The following RYR3 variants were observed in gnomAD, a reference collection of about 807,000 sequenced individuals.
RYR3 encodes ryanodine receptor 3, also known as brain ryanodine receptor-calcium release channel.
Under a neutral mutation model 584.3 loss-of-function variants are expected in RYR3, and 207 were observed. The ratio of observed to expected loss-of-function variants is 0.35; its 90% CI spans 0.32 to 0.40. RYR3 has a LOEUF of 0.40. Among genes scored for constraint, RYR3 ranks in the 10% least tolerant of loss-of-function variants. The pLI is 1.00. For missense variants in RYR3, 5,616 were observed against 6,089.2 expected (o/e 0.92, Z 2.59); for synonymous variants, 2,416 against 2,248.5 (o/e 1.07, Z -2.11).
chr15:33,532,069 C>T (rs764310621), intron 4 of RYR3, among the ~76,000 whole-genome samples: 12 of 152,148 alleles, frequency 7.9e-5, no homozygotes, highest in Non-Finnish European at 1.3e-4. Flanking sequence ...CTTTTAAGTA[C>T]AGCTCTGGGA....
chr15:33,379,687 C>CTATATATATATATATATATA (rs1555448829), intron 1 of RYR3, among the ~76,000 whole-genome samples: 6 of 125,480 alleles, frequency 4.8e-5, no homozygotes, highest in African/African-American at 2.1e-4. Flanking sequence ...CTCTCTCTCT[C>CTATATATATATATATATATA]TATATATATA....
intron 98 of RYR3, among the ~76,000 whole-genome samples, chr15:33,857,172 G>A (rs2079766955): frequency 6.6e-6 from 1 of 152,102 alleles, no homozygotes. Flanking sequence ...ACTACAGACT[G>A]CTATTTTGTT....
At chr15:33,362,510 T>A (rs1974919394) in intron 1 of RYR3, among the ~76,000 whole-genome samples, 1 of 152,154 alleles carries the variant, frequency 6.6e-6, no homozygotes, top group Non-Finnish European at 1.5e-5. Context: ...TGTATTAATA[T>A]AAATCCACAC....
Position 33,865,535 on chromosome 15 carries a change from A to AAGGAAAGGGCTAGAGAAGT in RYR3, c.*311_*329dup, listed in dbSNP as rs563288163. 122 of 310,010 alleles carry AAGGAAAGGGCTAGAGAAGT rather than the reference A, an allele frequency of 3.9e-4. 1 individual carries two copies. Among genetic ancestry groups the AAGGAAAGGGCTAGAGAAGT allele is most frequent in the Admixed American group, 1.8e-3 (39 of 21,454 alleles). 19.2% of individuals were successfully genotyped at this position (310,010 alleles called of 1,614,324 possible). A position where few individuals can be genotyped will look rare whatever the true frequency, so the allele number is the denominator to read the frequency against. On this transcript the variant is annotated 3_prime_UTR_variant, in exon 104 of 104. Transcript: ENST00000634891. ...TTCAGTTTGTTGGGATGGAAGCATG[A>AAGGAAAGGGCTAGAGAAGT]AGGAAAGGGCTAGAGAAGTATGAAA...
chr15:33,652,407 A>G (rs369412607), intron 31 of RYR3, among the ~76,000 whole-genome samples: 2 of 152,100 alleles, frequency 1.3e-5, no homozygotes, highest in African/African-American at 4.8e-5. Context: ...TTGGTGGGAT[A>G]CTGCCGTTCC....
At chr15:33,478,053 G>A (rs2049583984) in intron 2 of RYR3, among the ~76,000 whole-genome samples, 2 of 151,034 alleles carry the variant, frequency 1.3e-5, no homozygotes, top group African/African-American at 2.4e-5. Context: ...TTTCCCTCTG[G>A]TCCTTCACAT....
chr15:33,364,767 A>G (rs1975249726), intron 1 of RYR3, among the ~76,000 whole-genome samples: 1 of 152,224 alleles, frequency 6.6e-6, no homozygotes, highest in African/African-American at 2.4e-5. Flanking sequence ...ACGTTCATCA[A>G]AACAAAAGGA....
rs1323770920 is a variant in RYR3, at chr15:33,810,405, T to A, written c.10027-74T>A. 4 of 1,497,352 alleles carry A rather than the reference T, an allele frequency of 2.7e-6. No homozygotes were observed. In the East Asian group the frequency reaches 6.8e-5, roughly 26 times the overall value. The allele number at this position is 1,497,352 out of a possible 1,614,324, so 92.8% of individuals were successfully genotyped here. On this transcript the variant is annotated intron_variant, in intron 70 of 103. Coordinates refer to ENST00000634891, the MANE Select transcript of RYR3 (RefSeq NM_001036.6). The stretch of plus-strand genomic sequence containing the variant: ...CTGACAGGGCCACAAGGAGGCAGGC[T>A]GCCTCTGACAGGAGGCCGTTCCTTT...
At chr15:33,529,906 T>G (rs567799147) in intron 3 of RYR3, among the ~76,000 whole-genome samples, 2 of 152,336 alleles carry the variant, frequency 1.3e-5, no homozygotes, top group South Asian at 4.1e-4. Flanking sequence ...AGTGGCTTTA[T>G]GTCGGGCCAT....
At chr15:33,720,809 G>A (rs924409490) in intron 43 of RYR3, among the ~76,000 whole-genome samples, 7 of 152,096 alleles carry the variant, frequency 4.6e-5, no homozygotes, top group Non-Finnish European at 1.0e-4. Context: ...TAGAGGGTGA[G>A]GCTGCACTGA....
intron 3 of RYR3, among the ~76,000 whole-genome samples, chr15:33,507,574 A>G (rs771133358): frequency 7.9e-5 from 12 of 152,330 alleles, no homozygotes; most frequent in Non-Finnish European, 1.6e-4. Context: ...CACATTTTCA[A>G]TTGATTAGAC....
At chr15:33,485,997 T>C (rs1343731071) in intron 2 of RYR3, among the ~76,000 whole-genome samples, 1 of 151,960 alleles carries the variant, frequency 6.6e-6, no homozygotes, top group Non-Finnish European at 1.5e-5. Context: ...AGTACATGGT[T>C]AGACAGTGGC....
chr15:33,728,959 C>T lies in RYR3; in HGVS notation c.7136C>T (p.Thr2379Ile), dbSNP rs542865517. ...CGCGTTTATGGCATTAAGGATCAAA[C>T]TTTTCTGCTCCACTTGCTGGAGGTT... ...LDRVYGIKDQ[T>I]FLLHLLEVGF... Residue 2379 changes from threonine to isoleucine, a missense_variant, in exon 47 of 104, where the codon ACT becomes ATT. By Grantham distance (89) the Thr-to-Ile change is moderately conservative. This residue lies in a region of RYR3 where 1,280 missense variants were observed against 1,426.2 expected (regional missense o/e 0.90). Transcript: ENST00000634891. 4 of 1,613,994 alleles carry T rather than the reference C, an allele frequency of 2.5e-6. No homozygotes were observed. Among genetic ancestry groups the T allele is most frequent in the Admixed American group, 3.3e-5 (2 of 60,014 alleles).
intron 93 of RYR3, among the ~76,000 whole-genome samples, chr15:33,846,397 C>G (rs572493315): frequency 6.6e-6 from 1 of 152,328 alleles, no homozygotes; most frequent in East Asian, 1.9e-4. Context: ...ATATTCACAA[C>G]CACTACAGTT....
chr15:33,606,371 T>C (rs1353133418), intron 18 of RYR3, among the ~76,000 whole-genome samples: 1 of 152,196 alleles, frequency 6.6e-6, no homozygotes, highest in Non-Finnish European at 1.5e-5. Context: ...GGTACTTCAC[T>C]CAAGACCATG....
chr15:33,463,102 T>C (rs1249932530), intron 1 of RYR3, among the ~76,000 whole-genome samples: 2 of 152,170 alleles, frequency 1.3e-5, no homozygotes, highest in African/African-American at 4.8e-5. Flanking sequence ...AGGTCGAGGC[T>C]TCAGTGAACT....
chr15:33,416,100 C>G (rs889190292), intron 1 of RYR3, among the ~76,000 whole-genome samples: 1 of 152,148 alleles, frequency 6.6e-6, no homozygotes, highest in Non-Finnish European at 1.5e-5. Context: ...ATCTAATCCA[C>G]CATTGATGGG....
intron 1 of RYR3, among the ~76,000 whole-genome samples, chr15:33,389,445 A>G (rs186744376): frequency 1.2e-3 from 177 of 152,326 alleles, no homozygotes; most frequent in Non-Finnish European, 2.1e-3. Flanking sequence ...AGGGAATAAC[A>G]GCAGCTGGCA....
chr15:33,492,730 C>A (rs1015456607), intron 2 of RYR3, among the ~76,000 whole-genome samples: 1 of 152,064 alleles, frequency 6.6e-6, no homozygotes, highest in African/African-American at 2.4e-5. Context: ...ATGCTGATGC[C>A]GATTGCACCT....
Sources: gnomAD v4.1 joint callset for allele counts (sites outside exome capture counted in the v4.1 genomes callset) on GRCh38, gnomAD v4.1.1 for gene constraint, gnomAD v4.1.1 regional missense constraint, MANE v1.5 for transcripts, NCBI Gene and HGNC (gene_info 2026-07-23, HGNC 2026-07-21) for gene names.